Variants in TMCC1 observed in about 807,000 individuals in gnomAD.
TMCC1 encodes the protein transmembrane and coiled-coil domains protein 1.
TMCC1 carries 15 observed loss-of-function variants against 52.4 expected under a neutral mutation model. That is an observed-to-expected ratio of 0.29 (90% confidence interval 0.19 to 0.44). TMCC1 has a LOEUF of 0.44. Ranked by LOEUF, TMCC1 falls within the 20% of genes least tolerant of loss-of-function variation. TMCC1 has a pLI of 1.00. For missense variants in TMCC1, 503 were observed against 806.0 expected, an observed-to-expected ratio of 0.62 and a Z score of 4.55; for synonymous variants, 279 against 301.9, an observed-to-expected ratio of 0.92 and a Z score of 0.79.
intron 4 of TMCC1, among the ~76,000 whole-genome samples, chr3:129,781,991 G>A (rs940881062): frequency 6.6e-6 from 1 of 152,070 alleles, no homozygotes; most frequent in Non-Finnish European, 1.5e-5. Context: ...CAAAGATCTC[G>A]GAGTTGAAGG....
At chr3:129,858,466 A>G (rs908521028) in intron 2 of TMCC1, among the ~76,000 whole-genome samples, 4 of 151,862 alleles carry the variant, frequency 2.6e-5, no homozygotes, top group African/African-American at 9.7e-5. Context: ...TGCCTCCTGG[A>G]CTCTAGTCAT....
intron 4 of TMCC1, among the ~76,000 whole-genome samples, chr3:129,823,094 G>A (rs2058495199): frequency 6.6e-6 from 1 of 152,182 alleles, no homozygotes; most frequent in Admixed American, 6.5e-5. Context: ...GAGAGGCTGA[G>A]GCAGGTGGAT....
In TMCC1 at chr3:129,740,993, T is replaced by C. The variant is rs140249376; in HGVS notation, c.577-69729A>G. On this transcript the variant is annotated intron_variant, in intron 4 of 6. Transcript: ENST00000393238. ...CTGAGATCACCAATCTCAGGACTCA[T>C]TGCCCCTTTGGAATTATACCTTAAG... Among the ~76,000 whole-genome samples the C allele has an allele frequency of 4.6e-5, 7 of 152,332 alleles. No individual in the cohort carries two copies. The East Asian group carries it at 1.4e-3, about 29-fold the overall frequency.
intron 2 of TMCC1, among the ~76,000 whole-genome samples, chr3:129,852,411 C>T (rs1386923868): frequency 7.6e-6 from 1 of 131,456 alleles, no homozygotes; most frequent in Non-Finnish European, 1.5e-5. Context: ...GAGCCAAGCT[C>T]ATGCCACTGC....
At chr3:129,757,913 G>A (rs1382008964) in intron 4 of TMCC1, among the ~76,000 whole-genome samples, 1 of 151,690 alleles carries the variant, frequency 6.6e-6, no homozygotes, top group Admixed American at 6.6e-5. Context: ...ACCCACAACT[G>A]GACATCACAA....
At chr3:129,695,029 G>C (rs963793714) in intron 4 of TMCC1, among the ~76,000 whole-genome samples, 1 of 117,930 alleles carries the variant, frequency 8.5e-6, no homozygotes, top group Non-Finnish European at 1.6e-5. Context: ...CCCAGGAGTT[G>C]AAATTTGCTT....
chr3:129,828,486 T>C lies in TMCC1; in HGVS notation c.-108A>G. ...TCAACAGTGACTACGCATGCAGCTGTGAGACGAAGGCTTCATGCCTATCTA... is the reference window on the plus strand; with the variant it reads ...TCAACAGTGACTACGCATGCAGCTGCGAGACGAAGGCTTCATGCCTATCTA... On this transcript the variant is annotated 5_prime_UTR_variant, in exon 4 of 7. Coordinates refer to ENST00000393238, the MANE Select transcript of TMCC1 (RefSeq NM_001017395.5). This position sits in a 1 kb window ranked among gnomAD's most constrained non-coding sequence, Gnocchi z 4.1. 1 of 1,047,862 alleles carries C rather than the reference T, an allele frequency of 9.5e-7. No individual in the cohort carries two copies. Among genetic ancestry groups the C allele is most frequent in the Non-Finnish European group, 1.4e-6 (1 of 711,854 alleles). 64.9% of individuals were successfully genotyped at this position (1,047,862 alleles called of 1,614,324 possible).
chr3:129,814,910 A>G (rs2058023153), intron 4 of TMCC1, among the ~76,000 whole-genome samples: 1 of 152,196 alleles, frequency 6.6e-6, no homozygotes, highest in African/African-American at 2.4e-5. Context: ...TGAGGCAAAC[A>G]TTAGTAGATC....
chr3:129,668,412 T>C lies in TMCC1; in HGVS notation c.1511+1918A>G, dbSNP rs2087644363. On this transcript the variant is annotated intron_variant, in intron 5 of 6. Transcript: ENST00000393238. ...ATAATCTTATAAAGAACTATTACTA[T>C]TTCTATGTTAGGGATGTGGAAACCA... is the stretch of plus-strand genomic sequence containing the variant. Among the ~76,000 whole-genome samples, 3 of 152,270 alleles carry C rather than the reference T, an allele frequency of 2.0e-5. No individual in the cohort carries two copies. The South Asian group carries it at 6.2e-4, about 32-fold the overall frequency.
chr3:129,805,306 G>C (rs1349363812), intron 4 of TMCC1, among the ~76,000 whole-genome samples: 1 of 152,076 alleles, frequency 6.6e-6, no homozygotes, highest in Non-Finnish European at 1.5e-5. Context: ...GAGATTGTGG[G>C]CACAGGCCAC....
intron 4 of TMCC1, among the ~76,000 whole-genome samples, chr3:129,789,376 T>C (rs1228015232): frequency 6.6e-6 from 1 of 152,276 alleles, no homozygotes; most frequent in Non-Finnish European, 1.5e-5. Context: ...GTCAGTCATG[T>C]ATCATAGGCC....
rs1331559253 is a variant in TMCC1 at position 129,680,033 on chromosome 3, C to A, written c.577-8769G>T. On this transcript the variant is annotated intron_variant, in intron 4 of 6. Coordinates refer to ENST00000393238, the MANE Select transcript of TMCC1 (RefSeq NM_001017395.5). ...GACTTTTAAAAGCTTCCCAAAGTAC[C>A]TTATCTTCATACATTAAAATCAGAC... 3.9e-5 allele frequency among the ~76,000 whole-genome samples: 6 copies of A among 152,136 alleles called. No individual in the cohort carries two copies. In the East Asian group the frequency reaches 1.2e-3, roughly 29 times the overall value.
At chr3:129,672,573 C>T (rs1051642446) in intron 4 of TMCC1, among the ~76,000 whole-genome samples, 1 of 152,072 alleles carries the variant, frequency 6.6e-6, no homozygotes, top group African/African-American at 2.4e-5. Context: ...GCACTCCAGT[C>T]TGAGTGACAG....
chr3:129,714,132 G>A (rs912228757), intron 4 of TMCC1, among the ~76,000 whole-genome samples: 1 of 152,164 alleles, frequency 6.6e-6, no homozygotes, highest in African/African-American at 2.4e-5. Flanking sequence ...AGGGGGTGAG[G>A]GAACGTCAAA....
intron 4 of TMCC1, among the ~76,000 whole-genome samples, chr3:129,705,786 G>T (rs1421275647): frequency 2.0e-5 from 3 of 151,862 alleles, no homozygotes; most frequent in Non-Finnish European, 4.4e-5. Flanking sequence ...TAGAGACGGG[G>T]TTTCACCATT....
Position 129,651,722 on chromosome 3 carries a change from A to G in TMCC1, c.1721T>C (p.Leu574Pro). 6.2e-7 allele frequency: 1 copy of G among 1,614,220 alleles called. No individual in the cohort carries two copies. Among genetic ancestry groups the G allele is most frequent in the Non-Finnish European group, 8.5e-7 (1 of 1,180,040 alleles). ...LQQQQQQVVQ[L>P]EGLENATARN... ...GGCAGTGGCATTCTCCAGCCCTTCT[A>G]GCTGCACCACCTGCTGCTGCTGCTG... The change falls in exon 7 of 7, where the codon CTA becomes CCA. Residue 574 changes from leucine to proline, a missense_variant. Transcript: ENST00000393238. This position sits in a 1 kb window ranked among gnomAD's most constrained non-coding sequence, Gnocchi z 5.1.
intron 4 of TMCC1, among the ~76,000 whole-genome samples, chr3:129,796,554 T>C (rs2056839769): frequency 6.6e-6 from 1 of 152,150 alleles, no homozygotes; most frequent in African/African-American, 2.4e-5. Context: ...GTTCAGTGGC[T>C]CATACCTGTA....
At chr3:129,831,449 C>G (rs1344631345) in intron 3 of TMCC1, among the ~76,000 whole-genome samples, 3 of 152,074 alleles carry the variant, frequency 2.0e-5, no homozygotes, top group Non-Finnish European at 4.4e-5. Context: ...GCATGCAGCC[C>G]TAAAGAAACC....
Position 129,827,854 on chromosome 3 carries a change from A to G in TMCC1, c.525T>C (p.Ala175=). Residue 175 remains alanine (A), a synonymous_variant, in exon 4 of 7, where the codon GCT becomes GCC. Coordinates refer to ENST00000393238, the MANE Select transcript of TMCC1 (RefSeq NM_001017395.5). The part of the protein sequence containing the change: ...SSAMMEIACA[A]AAAAAACLPG... ...GTAGACATGCAGCAGCAGCAGCAGC[A>G]GCAGCACAAGCTATTTCCATCATAG... 4 of 1,614,078 alleles carry G rather than the reference A, an allele frequency of 2.5e-6. No individual in the cohort carries two copies. Among genetic ancestry groups the G allele is most frequent in the Non-Finnish European group, 3.4e-6 (4 of 1,179,976 alleles).
Sources: allele counts gnomAD v4.1 joint callset (sites outside exome capture counted in the v4.1 genomes callset), GRCh38; gene constraint gnomAD v4.1.1; non-coding constraint Gnocchi (gnomAD v3.1); transcripts MANE v1.5; gene names NCBI Gene and HGNC (gene_info 2026-07-23, HGNC 2026-07-21).